AUTS2: variants seen among roughly 807,000 people sequenced by gnomAD.
AUTS2 encodes activator of transcription and developmental regulator AUTS2, also known as autism susceptibility gene 2 protein.
Under a neutral mutation model 112.4 loss-of-function variants are expected in AUTS2, and 17 were observed. The observed-to-expected ratio is 0.15, with a 90% CI of 0.10 to 0.23. The LOEUF (loss-of-function observed/expected upper bound fraction) is 0.23, where lower values mean the gene tolerates loss of function less well. AUTS2 is among the 10% of genes least tolerant of loss of function. The pLI, the probability that AUTS2 is intolerant of heterozygous loss-of-function variation, is 1.00. For synonymous variants in AUTS2, 751 were observed against 702.7 expected, an observed-to-expected ratio of 1.07 and a Z score of -1.09; for missense variants, 1,510 against 1,701.6, an observed-to-expected ratio of 0.89 and a Z score of 1.98.
chr7:70,131,590 C>T (rs1458734859), intron 3 of AUTS2, among the ~76,000 whole-genome samples: 1 of 152,186 alleles, frequency 6.6e-6, no homozygotes, highest in African/African-American at 2.4e-5. Flanking sequence ...AACAATATTA[C>T]TGCTGTTTCT....
chr7:69,902,005 AG>A (rs1221571170), intron 2 of AUTS2, among the ~76,000 whole-genome samples: 5 of 152,202 alleles, frequency 3.3e-5, no homozygotes, highest in African/African-American at 1.2e-4. Context: ...GTAGGTCTGA[AG>A]GTAATGCCGT....
intron 6 of AUTS2, among the ~76,000 whole-genome samples, chr7:70,747,167 A>C (rs1327045156): frequency 6.6e-6 from 1 of 152,204 alleles, no homozygotes; most frequent in African/African-American, 2.4e-5. Flanking sequence ...AAGAAGAAAC[A>C]AATGAAGGCC....
chr7:70,646,089 G>A (rs557706206), intron 5 of AUTS2, among the ~76,000 whole-genome samples: 2 of 152,336 alleles, frequency 1.3e-5, no homozygotes, highest in African/African-American at 2.4e-5. Flanking sequence ...CTCTCCTGCT[G>A]TTGGGTGATT....
At chr7:69,985,144 T>G (rs1798452670) in intron 2 of AUTS2, among the ~76,000 whole-genome samples, 2 of 147,164 alleles carry the variant, frequency 1.4e-5, no homozygotes, top group Non-Finnish European at 1.5e-5. Flanking sequence ...GGCAGGAGGA[T>G]CACTTGAACC....
At chr7:70,101,723 AAAAAT>A (rs968143882) in intron 2 of AUTS2, among the ~76,000 whole-genome samples, 31 of 152,048 alleles carry the variant, frequency 2.0e-4, no homozygotes, top group African/African-American at 7.0e-4. Flanking sequence ...TTAAAGAAAT[AAAAAT>A]AAAAAGGTAG....
At chr7:69,911,132 G>C (rs572508760) in intron 2 of AUTS2, among the ~76,000 whole-genome samples, 2 of 152,366 alleles carry the variant, frequency 1.3e-5, no homozygotes, top group South Asian at 4.1e-4. Flanking sequence ...TATGGCCACT[G>C]CTCACAGCCA....
intron 4 of AUTS2, among the ~76,000 whole-genome samples, chr7:70,383,996 A>G (rs537070459): frequency 2.6e-5 from 4 of 152,364 alleles, no homozygotes; most frequent in African/African-American, 7.2e-5. Flanking sequence ...TTAATGATGA[A>G]TGCGATTAGC....
At chr7:69,777,444 G>A (rs1385250023) in intron 1 of AUTS2, among the ~76,000 whole-genome samples, 1 of 152,118 alleles carries the variant, frequency 6.6e-6, no homozygotes, top group African/African-American at 2.4e-5. Context: ...TTGCTACCAG[G>A]TCCTGGTGGA....
intron 5 of AUTS2, among the ~76,000 whole-genome samples, chr7:70,609,797 A>C (rs1246690515): frequency 6.6e-6 from 1 of 152,052 alleles, no homozygotes; most frequent in Non-Finnish European, 1.5e-5. Context: ...TTCTTTATCT[A>C]TTCATCTGTC....
chr7:70,465,429 C>A lies in AUTS2; in HGVS notation c.690+29648C>A, dbSNP rs141777780. Among the ~76,000 whole-genome samples, 278 of 152,244 alleles carry A rather than the reference C, an allele frequency of 1.8e-3. 1 individual carries two copies. Among genetic ancestry groups the A allele is most frequent in the African/African-American group, 5.9e-3 (245 of 41,542 alleles). The stretch of plus-strand genomic sequence containing the variant: ...GGTATGTTAAATTCCTTCACATTGG[C>A]CAGAAGCTGGAGAAATGTGAGGACA... On this transcript the variant is annotated intron_variant, in intron 5 of 18. Coordinates refer to ENST00000342771, the MANE Select transcript of AUTS2 (RefSeq NM_015570.4).
chr7:70,524,467 A>T (rs1052925231), intron 5 of AUTS2, among the ~76,000 whole-genome samples: 2 of 152,184 alleles, frequency 1.3e-5, no homozygotes, highest in Non-Finnish European at 2.9e-5. Context: ...TCTAATTAGG[A>T]CCTACATGCC....
intron 1 of AUTS2, among the ~76,000 whole-genome samples, chr7:69,777,427 G>A (rs956017010): frequency 6.6e-6 from 1 of 152,130 alleles, no homozygotes; most frequent in Non-Finnish European, 1.5e-5. Context: ...TTGGTTGATT[G>A]AAGATCTTGC....
rs546476344 is a variant in AUTS2, at chr7:70,684,694, G to A, written c.691-13875G>A. ...GTATGGTGTGTTGTGGTATGGTGGG[G>A]ATGGACAGTGGGAGCATGGTATTAG... On this transcript the variant is annotated intron_variant, in intron 5 of 18. Transcript: ENST00000342771. 2.0e-5 allele frequency among the ~76,000 whole-genome samples: 3 copies of A among 152,196 alleles called. No individual in the cohort carries two copies. The South Asian group carries it at 6.2e-4, about 32-fold the overall frequency.
At chr7:69,652,709 G>A (rs1256968929) in intron 1 of AUTS2, among the ~76,000 whole-genome samples, 1 of 151,840 alleles carries the variant, frequency 6.6e-6, no homozygotes, top group Non-Finnish European at 1.5e-5. Context: ...ATTTTGTAAT[G>A]TCTTTTGAAA....
At chr7:70,170,090 A>T (rs762191465) in intron 4 of AUTS2, among the ~76,000 whole-genome samples, 24 of 145,038 alleles carry the variant, frequency 1.7e-4, no homozygotes, top group Non-Finnish European at 2.7e-4. Flanking sequence ...TTTTTTTATT[A>T]AAAAAAAAAA....
chr7:70,781,126 C>T (rs1233447834), intron 14 of AUTS2, among the ~76,000 whole-genome samples: 10 of 152,062 alleles, frequency 6.6e-5, no homozygotes, highest in East Asian at 3.9e-4. Context: ...TTTGGGAGAC[C>T]GAGATGGGCG....
intron 5 of AUTS2, among the ~76,000 whole-genome samples, chr7:70,532,379 C>T (rs2129499019): frequency 6.6e-6 from 1 of 152,254 alleles, no homozygotes; most frequent in Middle Eastern, 3.4e-3. Flanking sequence ...TTTCATGGTG[C>T]CTAGAATTTA....
chr7:70,790,128 A>G lies in AUTS2; in HGVS notation c.2912A>G (p.Tyr971Cys). 6.2e-7 allele frequency: 1 copy of G among 1,605,482 alleles called. No individual in the cohort carries two copies. The highest frequency in any genetic ancestry group is 8.5e-7 in the Non-Finnish European group (1 of 1,176,966). ...GAGCCGCGCAAGGGTGAGCCGGCCT[A>G]CGAGAACCCCAAGAAGAGCTCCGAG... ...EAEPRKGEPA[Y>C]ENPKKSSEVK... The change falls in exon 19 of 19, where the codon TAC becomes TGC. Residue 971 changes from tyrosine to cysteine, a missense_variant. Tyr to Cys is a radical substitution (Grantham distance 194, BLOSUM62 -2). Around this residue, in one of 3 missense-constraint regions of AUTS2, gnomAD observed 788 missense variants for 797.6 expected, o/e 0.99. Transcript: ENST00000342771. The surrounding 1 kb of genome is among the most constrained non-coding windows in gnomAD (Gnocchi z 7.6).
At chr7:70,628,157 G>C (rs1425572519) in intron 5 of AUTS2, among the ~76,000 whole-genome samples, 1 of 152,106 alleles carries the variant, frequency 6.6e-6, no homozygotes, top group Non-Finnish European at 1.5e-5. Flanking sequence ...GGGCAATGTT[G>C]AGAGACAGCC....
Sources: allele counts gnomAD v4.1 joint callset (sites outside exome capture counted in the v4.1 genomes callset), GRCh38; gene constraint gnomAD v4.1.1; regional missense constraint gnomAD v4.1.1; non-coding constraint Gnocchi (gnomAD v3.1); transcripts MANE v1.5; gene names NCBI Gene and HGNC (gene_info 2026-07-23, HGNC 2026-07-21).